Variants in SQLE observed in about 807,000 individuals in gnomAD.
SQLE encodes squalene epoxidase.
Under a neutral mutation model 60.7 loss-of-function variants are expected in SQLE, and 29 were observed. That is an observed-to-expected ratio of 0.48 (90% confidence interval 0.36 to 0.65). The LOEUF is 0.65. Ranked by LOEUF, SQLE falls within the 30% of genes least tolerant of loss-of-function variation. The probability of loss-of-function intolerance (pLI) is 0.00; values close to 1 mark genes in which losing one functional copy is unlikely to be tolerated. For synonymous variants in SQLE, 237 were observed against 246.8 expected (o/e 0.96, Z 0.37); for missense variants, 605 against 684.1 (o/e 0.88, Z 1.29).
Position 125,011,647 on chromosome 8 carries a change from GC to G in SQLE, c.1204+16del. ...GAAGAAACGAGGTATTATTTTTTGG[GC>G]TTATTTTATAAAGGAATCAGTATTC... On this transcript the variant is annotated intron_variant, in intron 7 of 10. Coordinates refer to ENST00000265896, the MANE Select transcript of SQLE (RefSeq NM_003129.4). 1 of 1,551,566 alleles carries G rather than the reference GC, an allele frequency of 6.4e-7. No individual in the cohort carries two copies. The highest frequency in any genetic ancestry group is 8.7e-7 in the Non-Finnish European group (1 of 1,144,788).
intron 1 of SQLE, among the ~76,000 whole-genome samples, chr8:125,002,464 G>C (rs1172155153): frequency 6.6e-6 from 1 of 152,168 alleles, no homozygotes; most frequent in Non-Finnish European, 1.5e-5. Flanking sequence ...GATCACCTGA[G>C]GTCGGGAGTT....
intron 7 of SQLE, among the ~76,000 whole-genome samples, chr8:125,012,449 C>T (rs965515691): frequency 2.0e-5 from 3 of 152,180 alleles, no homozygotes; most frequent in African/African-American, 7.2e-5. Context: ...CCTAGGCTAC[C>T]CCTAATTTAC....
At chr8:125,010,217 G>A (rs571727762) in intron 6 of SQLE, among the ~76,000 whole-genome samples, 1 of 152,344 alleles carries the variant, frequency 6.6e-6, no homozygotes, top group East Asian at 1.9e-4. Flanking sequence ...CAGAATGTGA[G>A]AATTGTAAGG....
chr8:125,004,101 T>C (rs1180160692), intron 2 of SQLE, among the ~76,000 whole-genome samples: 1 of 152,194 alleles, frequency 6.6e-6, no homozygotes, highest in Admixed American at 6.5e-5. Flanking sequence ...CAATACCATA[T>C]TTGAACATTT....
intron 4 of SQLE, 111 bp downstream of exon 4, chr8:125,007,598 C>T: frequency 1.6e-6 from 1 of 629,366 alleles, no homozygotes; most frequent in Non-Finnish European, 2.7e-6. Context: ...TATCTCTTAT[C>T]TGAAATGCTA....
Position 125,011,592 on chromosome 8 carries a change from GC to G in SQLE, c.1166del (p.Pro389GlnfsTer10). 1 of 1,586,402 alleles carries G rather than the reference GC, an allele frequency of 6.3e-7. No individual in the cohort carries two copies. The highest frequency in any genetic ancestry group is 1.2e-5 in the South Asian group (1 of 86,630). ...ATDNSHLRSM[P>X]ASFLPPSSVK... is the part of the protein sequence containing the mutation. ...CTGACAATTCTCATCTGAGGTCCAT[GC>G]CAGCAAGCTTCCTTCCTCCTTCATC... On this transcript the variant is annotated frameshift_variant, in exon 7 of 11. Coordinates refer to ENST00000265896, the MANE Select transcript of SQLE (RefSeq NM_003129.4). LOFTEE classifies it high-confidence loss of function.
At chr8:125,006,015 C>T (rs34132029) in intron 3 of SQLE, among the ~76,000 whole-genome samples, 17,013 of 152,144 alleles carry the variant, frequency 0.11, 1,251 homozygotes, top group Admixed American at 0.23. Flanking sequence ...TCCATTTGTG[C>T]ACATTTTGGA....
chr8:125,001,728 T>A (rs962220921), intron 1 of SQLE, among the ~76,000 whole-genome samples: 1 of 151,410 alleles, frequency 6.6e-6, no homozygotes, highest in Admixed American at 6.6e-5. Flanking sequence ...GGTAAAAGAA[T>A]GCTGGGTGGA....
In SQLE at chr8:125,006,146, A is replaced by G. The variant is rs985874145; in HGVS notation, c.725+441A>G. ...TTAGGACTGGCTTCTTCTCTTGTTT[A>G]TTAACTTATATTTACCAGTAACCTT... On this transcript the variant is annotated intron_variant, in intron 3 of 10. Transcript: ENST00000265896. Among the ~76,000 whole-genome samples the G allele has an allele frequency of 3.3e-5, 5 of 152,170 alleles. No individual in the cohort carries two copies. In the South Asian group the frequency reaches 1.0e-3, roughly 32 times the overall value.
rs3812468 is a variant in SQLE at position 124,998,823 on chromosome 8, G to T, written c.-581G>T. The T allele has an allele frequency of 2.0e-6, 1 of 493,750 alleles. No individual in the cohort carries two copies. Among genetic ancestry groups the T allele is most frequent in the South Asian group, 2.7e-5 (1 of 37,398 alleles). The allele number at this position is 493,750 out of a possible 1,614,324, so 30.6% of individuals were successfully genotyped here. Reference sequence around the variant, plus strand: ...AAGGCGTCGGCGTTGGCGTTTTCCCGAGGTTGGGCTGTACAGTGTCTCCGT... The same window carrying T: ...AAGGCGTCGGCGTTGGCGTTTTCCCTAGGTTGGGCTGTACAGTGTCTCCGT... On this transcript the variant is annotated 5_prime_UTR_variant, in exon 1 of 11. Transcript: ENST00000265896.
chr8:125,001,406 C>T (rs891418217), intron 1 of SQLE, among the ~76,000 whole-genome samples: 1 of 151,468 alleles, frequency 6.6e-6, no homozygotes, highest in African/African-American at 2.4e-5. Context: ...CTCTACTGAT[C>T]AGGCTCTGCA....
At chr8:125,014,856 G>A (rs759469422) in intron 7 of SQLE, among the ~76,000 whole-genome samples, 2 of 152,118 alleles carry the variant, frequency 1.3e-5, no homozygotes, top group African/African-American at 4.8e-5. Flanking sequence ...GTGAATGATC[G>A]ATTTGCTGAG....
chr8:125,018,818 A>G (rs1401498233), intron 9 of SQLE, 91 bp downstream of exon 9: 3 of 879,044 alleles, frequency 3.4e-6, no homozygotes, highest in African/African-American at 1.8e-5. Flanking sequence ...GTCCAGAAAT[A>G]AAAATGTTAC....
chr8:125,008,055 T>A (rs891605459), intron 4 of SQLE, among the ~76,000 whole-genome samples: 2 of 152,200 alleles, frequency 1.3e-5, no homozygotes, highest in African/African-American at 2.4e-5. Context: ...AGAATCTTTT[T>A]AAAAACAATT....
chr8:125,005,628 T>A lies in SQLE; in HGVS notation c.648T>A (p.Asn216Lys). ...TTCCTTACCCTCTGTCAGAAAACAA[T>A]CAAGTGCAGAGTGGAAGAGCTTTCC... ...VQIPYPLSEN[N>K]QVQSGRAFHH... is the part of the protein sequence containing the mutation. The change falls in exon 3 of 11, where the codon AAT becomes AAA. Residue 216 changes from asparagine to lysine, a missense_variant. Coordinates refer to ENST00000265896, the MANE Select transcript of SQLE (RefSeq NM_003129.4). 1 of 1,611,970 alleles carries A rather than the reference T, an allele frequency of 6.2e-7. No individual in the cohort carries two copies. The highest frequency in any genetic ancestry group is 8.5e-7 in the Non-Finnish European group (1 of 1,178,668).
chr8:125,018,837 G>T (rs1815152922), intron 9 of SQLE, 110 bp downstream of exon 9: 1 of 723,698 alleles, frequency 1.4e-6, no homozygotes, highest in East Asian at 3.0e-5. Context: ...ACCTGAGTTT[G>T]CTAACTCCCA....
In SQLE at chr8:125,022,023, A is replaced by G; in HGVS notation, c.*78A>G. Reference sequence around the variant, plus strand: ...GAGACTTTTGGAAGAGGATATATATAGCATAGTACCATACCACTTATAAAG... The same window carrying G: ...GAGACTTTTGGAAGAGGATATATATGGCATAGTACCATACCACTTATAAAG... On this transcript the variant is annotated 3_prime_UTR_variant, in exon 11 of 11. Transcript: ENST00000265896. The G allele has an allele frequency of 9.6e-7, 1 of 1,044,692 alleles. No homozygotes were observed. The highest frequency in any genetic ancestry group is 2.3e-4 in the Middle Eastern group (1 of 4,330). The allele number at this position is 1,044,692 out of a possible 1,614,324, so 64.7% of individuals were successfully genotyped here. A position where few individuals can be genotyped will look rare whatever the true frequency, so the allele number is the denominator to read the frequency against.
rs1309964232 is a variant in SQLE, at chr8:125,016,837, C to A, written c.1205-1222C>A. ...GCCGTATCTGTATTAAGGGGCACCC[C>A]AAGTCCAGTAACATTGTGACCCTTG... On this transcript the variant is annotated intron_variant, in intron 7 of 10. Coordinates refer to ENST00000265896, the MANE Select transcript of SQLE (RefSeq NM_003129.4). This position sits in a 1 kb window ranked among gnomAD's most constrained non-coding sequence, Gnocchi z 4.1. Among the ~76,000 whole-genome samples, 3 of 152,208 alleles carry A rather than the reference C, an allele frequency of 2.0e-5. No individual in the cohort carries two copies. Among genetic ancestry groups the A allele is most frequent in the Non-Finnish European group, 2.9e-5 (2 of 68,040 alleles).
At position 124,998,574 on chromosome 8, in the gene SQLE, C is replaced by G. The variant is rs1814782931; in HGVS notation, c.-830C>G. The G allele has an allele frequency of 2.9e-6, 2 of 685,438 alleles. No homozygotes were observed. The highest frequency in any genetic ancestry group is 1.8e-5 in the African/African-American group (1 of 55,378). 42.5% of individuals were successfully genotyped at this position (685,438 alleles called of 1,614,324 possible). On this transcript the variant is annotated 5_prime_UTR_variant, in exon 1 of 11. Transcript: ENST00000265896. Reference sequence around the variant, plus strand: ...CTCTGGTTACTGGGGCCGCGCCGCGCTGGCGAGAGCCGCCGCCCGCGAGGG... The same window carrying G: ...CTCTGGTTACTGGGGCCGCGCCGCGGTGGCGAGAGCCGCCGCCCGCGAGGG...
Sources: allele counts gnomAD v4.1 joint callset (sites outside exome capture counted in the v4.1 genomes callset), GRCh38; gene constraint gnomAD v4.1.1; non-coding constraint Gnocchi (gnomAD v3.1); transcripts MANE v1.5; gene names NCBI Gene and HGNC (gene_info 2026-07-23, HGNC 2026-07-21).